The following LTN1 variants were observed in gnomAD, a reference collection of about 807,000 sequenced individuals.
LTN1 encodes the protein listerin E3 ubiquitin protein ligase 1, also known as E3 ubiquitin-protein ligase listerin.
A neutral mutation model predicts 201.2 loss-of-function variants in LTN1; 88 were observed. That is an observed-to-expected ratio of 0.44 (90% CI 0.37 to 0.52). The LOEUF (loss-of-function observed/expected upper bound fraction) is 0.52. LTN1 is among the 20% of genes least tolerant of loss of function. LTN1 has a pLI of 0.00. For missense variants in LTN1, 1,752 were observed against 2,038.7 expected, an observed-to-expected ratio of 0.86 and a Z score of 2.71; for synonymous variants, 645 against 713.5, an observed-to-expected ratio of 0.90 and a Z score of 1.53.
chr21:28,972,917 T>G (rs1034164459), intron 6 of LTN1, among the ~76,000 whole-genome samples: 2 of 152,164 alleles, frequency 1.3e-5, no homozygotes, highest in African/African-American at 4.8e-5. Context: ...AAAGATAAAC[T>G]ACCTTCAAAA....
At chr21:28,946,074 A>G in intron 20 of LTN1, 78 bp downstream of exon 20, 3 of 1,467,364 alleles carry the variant, frequency 2.0e-6, no homozygotes, top group Non-Finnish European at 2.8e-6. Flanking sequence ...TAATTTCTCT[A>G]CAAAATTGTG....
Position 28,970,745 on chromosome 21 carries a change from A to G in LTN1, c.985-3T>C. 6.2e-7 allele frequency: 1 copy of G among 1,607,842 alleles called. No homozygotes were observed. Among genetic ancestry groups the G allele is most frequent in the East Asian group, 2.2e-5 (1 of 44,796 alleles). On this transcript the variant is annotated splice_region_variant and splice_polypyrimidine_tract_variant and intron_variant, in intron 7 of 29. Coordinates refer to ENST00000361371, the MANE Select transcript of LTN1 (RefSeq NM_015565.3). Reference sequence around the variant, plus strand: ...GCATTTACATGAAGCCAACAGTCCTAACCAAACAAAAGATTATAGTAGTAA... The same window carrying G: ...GCATTTACATGAAGCCAACAGTCCTGACCAAACAAAAGATTATAGTAGTAA...
intron 6 of LTN1, among the ~76,000 whole-genome samples, chr21:28,976,217 T>G (rs568601421): frequency 6.6e-5 from 10 of 152,152 alleles, no homozygotes; most frequent in Non-Finnish European, 1.3e-4. Context: ...ACTATAAAAA[T>G]GGCTGCATTT....
At chr21:28,958,640 T>C in intron 13 of LTN1, 101 bp from the exon 14 acceptor site, 2 of 869,874 alleles carry the variant, frequency 2.3e-6, no homozygotes, top group South Asian at 4.1e-5. Flanking sequence ...TTTTTTTAAA[T>C]ACCATTTAAA....
intron 6 of LTN1, among the ~76,000 whole-genome samples, chr21:28,976,923 A>T (rs2084619661): frequency 1.3e-5 from 2 of 151,982 alleles, no homozygotes. Context: ...TGTCTAGCTA[A>T]TTTTTTTACA....
chr21:28,945,947 G>T lies in LTN1; in HGVS notation c.3628C>A (p.Leu1210Ile). ...HEDIFLFSCN[L>I]SEASPEVLGV... is the part of the protein sequence containing the mutation. ...AGTACCTCTGGACTTGCTTCTGATA[G>T]ATTACTGTGATAAAGATAAAAACAA... The change falls in exon 21 of 30, where the codon CTA (leucine) becomes ATA (isoleucine). Residue 1210 changes from leucine (L) to isoleucine (I), a missense_variant. By Grantham distance (5) the Leu-to-Ile change is conservative. This residue lies in a region of LTN1 where 1,211 missense variants were observed against 1,312.8 expected (regional missense o/e 0.92). Transcript: ENST00000361371. 2.5e-6 allele frequency: 4 copies of T among 1,605,144 alleles called. No homozygotes were observed. Among genetic ancestry groups the T allele is most frequent in the Non-Finnish European group, 3.4e-6 (4 of 1,176,340 alleles).
chr21:28,983,879 T>C (rs2084677140), intron 4 of LTN1, among the ~76,000 whole-genome samples: 2 of 152,228 alleles, frequency 1.3e-5, no homozygotes, highest in South Asian at 4.1e-4. Flanking sequence ...ACAACTTTGT[T>C]GTCTGGTTTT....
At chr21:28,963,630 C>T (rs1240423902) in intron 11 of LTN1, among the ~76,000 whole-genome samples, 2 of 152,202 alleles carry the variant, frequency 1.3e-5, no homozygotes, top group East Asian at 3.8e-4. Context: ...ATCCATTCTG[C>T]AGCCCATGAA....
In LTN1 at chr21:28,975,445, C is replaced by G. The variant is rs182843113; in HGVS notation, c.811-4001G>C. Among the ~76,000 whole-genome samples the G allele has an allele frequency of 1.9e-3, 292 of 152,274 alleles. 2 individuals carry two copies. Among genetic ancestry groups the G allele is most frequent in the Non-Finnish European group, 3.1e-3 (211 of 68,022 alleles). ...GCAAATTAAAACCACAATGAGAAAC[C>G]TCTATTCCAGAGGTCAGTAAACATT... is the stretch of plus-strand genomic sequence containing the variant. On this transcript the variant is annotated intron_variant, in intron 6 of 29. Coordinates refer to ENST00000361371, the MANE Select transcript of LTN1 (RefSeq NM_015565.3).
intron 5 of LTN1, 26 bp downstream of exon 5, chr21:28,982,290 A>C: frequency 6.3e-7 from 1 of 1,583,512 alleles, no homozygotes; most frequent in Non-Finnish European, 8.7e-7. Flanking sequence ...CCTTAACATG[A>C]GTTACAATGA....
chr21:28,956,946 C>A lies in LTN1; in HGVS notation c.2895G>T (p.Trp965Cys), dbSNP rs1470299275. ...TTCCCTCTAAAAGAGGTCTATGTAA[C>A]CACTGTGAAAAGAATACGTTATATA... Reference protein sequence around the residue: ...EKMRQSLPMQWLHRPLLEGRL... With the variant: ...EKMRQSLPMQCLHRPLLEGRL... Residue 965 changes from tryptophan (W) to cysteine (C), a missense_variant and splice_region_variant, in exon 16 of 30, where the codon TGG becomes TGT. Trp to Cys is a radical substitution (Grantham distance 215). Transcript: ENST00000361371. The A allele has an allele frequency of 4.5e-6, 7 of 1,571,684 alleles. No individual in the cohort carries two copies. The highest frequency in any genetic ancestry group is 6.1e-6 in the Non-Finnish European group (7 of 1,156,744).
rs985843689 is a variant in LTN1, at chr21:28,992,707, C to A, written c.42+57G>T. Reference sequence around the variant, plus strand: ...ACACACCCTCCAGCAACGCGCTGGGCGGAGCCAGCCGCCTCGAAGCGAGGC... The same window carrying A: ...ACACACCCTCCAGCAACGCGCTGGGAGGAGCCAGCCGCCTCGAAGCGAGGC... On this transcript the variant is annotated intron_variant, in intron 1 of 29. Transcript: ENST00000361371. The A allele has an allele frequency of 8.7e-6, 14 of 1,600,182 alleles. No homozygotes were observed. In the African/African-American group the frequency reaches 1.6e-4, roughly 18 times the overall value.
At chr21:28,936,744 A>C (rs1257666543) in intron 25 of LTN1, 47 bp from the exon 26 acceptor site, 2 of 1,437,702 alleles carry the variant, frequency 1.4e-6, no homozygotes, top group African/African-American at 2.8e-5. Context: ...ACACCAAGAC[A>C]ATTGGTATAA....
chr21:28,959,323 CTG>C, intron 13 of LTN1, 133 bp downstream of exon 13: 1 of 1,017,358 alleles, frequency 9.8e-7, no homozygotes, highest in Non-Finnish European at 1.4e-6. Context: ...GTGTTTAAGA[CTG>C]TAGCCCTTTA....
At chr21:28,940,197 T>C (rs1303988532) in intron 25 of LTN1, among the ~76,000 whole-genome samples, 1 of 152,228 alleles carries the variant, frequency 6.6e-6, no homozygotes, top group Admixed American at 6.5e-5. Flanking sequence ...TTGTTCTTTT[T>C]GAGACAGGGT....
At chr21:28,934,261 T>C (rs1282712968) in intron 27 of LTN1, among the ~76,000 whole-genome samples, 6 of 152,232 alleles carry the variant, frequency 3.9e-5, no homozygotes, top group Non-Finnish European at 8.8e-5. Context: ...GTGCTTGGCA[T>C]CTGTAAGTAT....
chr21:28,989,909 G>A (rs1019425274), intron 1 of LTN1, among the ~76,000 whole-genome samples: 7 of 151,538 alleles, frequency 4.6e-5, no homozygotes, highest in South Asian at 2.1e-4. Flanking sequence ...CCAGCTACTC[G>A]AGAGGCTGAG....
chr21:28,950,515 T>C (rs1191108808), intron 18 of LTN1, among the ~76,000 whole-genome samples: 1 of 152,116 alleles, frequency 6.6e-6, no homozygotes, highest in African/African-American at 2.4e-5. Flanking sequence ...TTATATAATA[T>C]CATTTTTTGT....
chr21:28,985,647 C>T (rs2245517), intron 3 of LTN1, among the ~76,000 whole-genome samples: 56,483 of 150,636 alleles, frequency 0.37, 11,799 homozygotes, highest in South Asian at 0.48. Flanking sequence ...CATAACCCAA[C>T]ACAATCCAAT....
Sources: allele counts gnomAD v4.1 joint callset (sites outside exome capture counted in the v4.1 genomes callset), GRCh38; gene constraint gnomAD v4.1.1; regional missense constraint gnomAD v4.1.1; transcripts MANE v1.5; gene names NCBI Gene and HGNC (gene_info 2026-07-23, HGNC 2026-07-21).